TNFSF4: variants seen among roughly 807,000 people sequenced by gnomAD.
The protein encoded by TNFSF4 is tumor necrosis factor ligand superfamily member 4.
Under a neutral mutation model 7.3 loss-of-function variants are expected in TNFSF4, and 4 were observed. The ratio of observed to expected loss-of-function variants is 0.55; its 90% CI spans 0.27 to 1.25. The LOEUF is 1.25. Ranked by LOEUF, TNFSF4 falls within the 50% of genes most tolerant of loss-of-function variation. The probability of loss-of-function intolerance (pLI) is 0.12; values close to 1 mark genes in which losing one functional copy is unlikely to be tolerated. For missense variants in TNFSF4, 181 were observed against 208.8 expected (o/e 0.87, Z 0.82); for synonymous variants, 76 against 83.7 (o/e 0.91, Z 0.50).
At chr1:173,375,805 T>G in the TNFSF4 span, among the ~76,000 whole-genome samples, 1 of 152,198 alleles carries the variant, frequency 6.6e-6, no homozygotes, top group African/African-American at 2.4e-5. Context: ...TCAGGTCCCC[T>G]TCCACACTGT....
the TNFSF4 span, among the ~76,000 whole-genome samples, chr1:173,270,565 T>C: frequency 6.6e-6 from 1 of 152,080 alleles, no homozygotes; most frequent in South Asian, 2.1e-4. Flanking sequence ...TGGACTATTA[T>C]TGGGGAGCAT....
the TNFSF4 span, among the ~76,000 whole-genome samples, chr1:173,288,528 T>C: frequency 6.6e-6 from 1 of 152,250 alleles, no homozygotes; most frequent in Non-Finnish European, 1.5e-5. Flanking sequence ...AATGAACATA[T>C]ATAGAAATGG....
chr1:173,444,159 C>T, the TNFSF4 span, among the ~76,000 whole-genome samples: 1 of 152,232 alleles, frequency 6.6e-6, no homozygotes, highest in South Asian at 2.1e-4. Context: ...TTTAAATCAA[C>T]CTTTGCATAC....
the TNFSF4 span, among the ~76,000 whole-genome samples, chr1:173,237,856 C>T: frequency 6.6e-6 from 1 of 152,152 alleles, no homozygotes; most frequent in Non-Finnish European, 1.5e-5. Context: ...AGATTCAATG[C>T]TATTCCTATC....
At chr1:173,182,134 A>C (rs1202987434), downstream of TNFSF4, among the ~76,000 whole-genome samples, 2 of 152,220 alleles carry the variant, frequency 1.3e-5, no homozygotes, top group African/African-American at 2.4e-5. Context: ...AGCTCTGTGC[A>C]TACCTTTTGC....
At chr1:173,327,054 G>T in the TNFSF4 span, among the ~76,000 whole-genome samples, 1 of 152,130 alleles carries the variant, frequency 6.6e-6, no homozygotes, top group African/African-American at 2.4e-5. Context: ...AGCCTGCATT[G>T]CCAAGTCAAT....
chr1:173,338,663 A>G, the TNFSF4 span, among the ~76,000 whole-genome samples: 62 of 152,288 alleles, frequency 4.1e-4, no homozygotes, highest in African/African-American at 1.3e-3. Context: ...TCAAGAATGC[A>G]AATGGGAGTG....
At chr1:173,332,972 T>C in the TNFSF4 span, among the ~76,000 whole-genome samples, 2 of 152,244 alleles carry the variant, frequency 1.3e-5, no homozygotes, top group East Asian at 3.8e-4. Context: ...TATACAAGTT[T>C]AGAATTTAGT....
chr1:173,204,506 GTATT>G (rs1371269724), intron 1 of TNFSF4, among the ~76,000 whole-genome samples: 2 of 152,260 alleles, frequency 1.3e-5, no homozygotes, highest in East Asian at 3.9e-4. Flanking sequence ...AGCTATATCT[GTATT>G]TACAGAGCCA....
chr1:173,328,393 T>C, the TNFSF4 span, among the ~76,000 whole-genome samples: 11 of 149,942 alleles, frequency 7.3e-5, no homozygotes, highest in Non-Finnish European at 1.5e-4. Context: ...TTAGGAGATA[T>C]AGGTAATGCT....
the TNFSF4 span, among the ~76,000 whole-genome samples, chr1:173,339,123 G>T: frequency 1.3e-5 from 2 of 152,310 alleles, no homozygotes; most frequent in Middle Eastern, 3.4e-3. Flanking sequence ...AGGGTGCAGT[G>T]GCTCACGCTT....
the TNFSF4 span, among the ~76,000 whole-genome samples, chr1:173,440,026 T>C: frequency 1.3e-5 from 2 of 152,206 alleles, no homozygotes; most frequent in Non-Finnish European, 2.9e-5. Flanking sequence ...ACCTTTGGCA[T>C]AGCTTCATAG....
chr1:173,189,661 G>A (rs1322310318), intron 1 of TNFSF4, among the ~76,000 whole-genome samples: 2 of 152,036 alleles, frequency 1.3e-5, no homozygotes, highest in East Asian at 3.9e-4. Context: ...AAGTTGGGGG[G>A]GGTGCAGAAT....
the TNFSF4 span, among the ~76,000 whole-genome samples, chr1:173,416,649 G>A: frequency 3.9e-3 from 37 of 9,546 alleles, no homozygotes; most frequent in African/African-American, 7.9e-3. Flanking sequence ...GAGAGAGAGA[G>A]AGAAGATCTC....
chr1:173,322,790 T>G, the TNFSF4 span, among the ~76,000 whole-genome samples: 1 of 152,044 alleles, frequency 6.6e-6, no homozygotes, highest in African/African-American at 2.4e-5. Context: ...CGCTCACTGC[T>G]AGCACAGCAG....
chr1:173,353,386 G>A, the TNFSF4 span, among the ~76,000 whole-genome samples: 2 of 152,276 alleles, frequency 1.3e-5, no homozygotes, highest in Admixed American at 6.5e-5. Context: ...CTTCTGTCAT[G>A]GCTTCAGCAG....
the TNFSF4 span, among the ~76,000 whole-genome samples, chr1:173,217,524 C>T: frequency 6.6e-6 from 1 of 152,174 alleles, no homozygotes; most frequent in African/African-American, 2.4e-5. Context: ...TACATATTAG[C>T]ATTCAATAAT....
intron 1 of TNFSF4, among the ~76,000 whole-genome samples, chr1:173,204,561 C>T (rs1041476020): frequency 6.6e-6 from 1 of 152,142 alleles, no homozygotes. Context: ...AAAATTAAAT[C>T]TAAGAAATAA....
upstream of TNFSF4, among the ~76,000 whole-genome samples, chr1:173,209,105 C>T (rs1650294759): frequency 6.6e-6 from 1 of 152,102 alleles, no homozygotes; most frequent in South Asian, 2.1e-4. Context: ...GGATGACACA[C>T]CTCTCATTTT....
Sources: allele counts gnomAD v4.1 joint callset (sites outside exome capture counted in the v4.1 genomes callset), GRCh38; gene constraint gnomAD v4.1.1; transcripts MANE v1.5; gene names NCBI Gene and HGNC (gene_info 2026-07-23, HGNC 2026-07-21).